The following TCF4 variants were observed in gnomAD, a reference collection of about 807,000 sequenced individuals.
TCF4 encodes transcription factor 4.
In TCF4, 3 loss-of-function variants were observed where a neutral mutation model predicts 82.1. The ratio of observed to expected loss-of-function variants is 0.04; its 90% CI spans 0.02 to 0.09. The LOEUF is 0.09. Among genes scored for constraint, TCF4 ranks in the 10% least tolerant of loss-of-function variants. The pLI, the probability that TCF4 is intolerant of heterozygous loss-of-function variation, is 1.00. For missense variants in TCF4, 518 were observed against 852.7 expected, an observed-to-expected ratio of 0.61 and a Z score of 4.89; for synonymous variants, 276 against 309.6, an observed-to-expected ratio of 0.89 and a Z score of 1.14.
At chr18:55,485,960 A>G (rs891051672) in intron 3 of TCF4, among the ~76,000 whole-genome samples, 2 of 152,196 alleles carry the variant, frequency 1.3e-5, no homozygotes, top group Non-Finnish European at 2.9e-5. Context: ...TATTAATAAT[A>G]CTGAAGTTTT....
chr18:55,492,842 A>G (rs1308083929), intron 3 of TCF4, among the ~76,000 whole-genome samples: 2 of 152,204 alleles, frequency 1.3e-5, no homozygotes, highest in Admixed American at 6.5e-5. Flanking sequence ...GCTAAAGCCC[A>G]AAGTCAGGTG....
chr18:55,329,645 G>A (rs149315760), intron 8 of TCF4, among the ~76,000 whole-genome samples: 64 of 152,320 alleles, frequency 4.2e-4, no homozygotes, highest in African/African-American at 1.4e-3. Flanking sequence ...TGGGTGATGA[G>A]TGAGAAAAAG....
chr18:55,440,597 G>A (rs2095420973), intron 5 of TCF4, among the ~76,000 whole-genome samples: 1 of 152,062 alleles, frequency 6.6e-6, no homozygotes, highest in Non-Finnish European at 1.5e-5. Context: ...CCACTTTTCA[G>A]GCCCCTTCTT....
intron 3 of TCF4, among the ~76,000 whole-genome samples, chr18:55,571,701 G>A (rs1304698347): frequency 6.6e-6 from 1 of 151,682 alleles, no homozygotes; most frequent in Non-Finnish European, 1.5e-5. Context: ...CAAGAAAGAG[G>A]CTATGGCCAG....
At chr18:55,307,438 A>G (rs773279646) in intron 8 of TCF4, among the ~76,000 whole-genome samples, 1 of 152,256 alleles carries the variant, frequency 6.6e-6, no homozygotes, top group Non-Finnish European at 1.5e-5. Context: ...ACTGAAAGCC[A>G]TAAGGGTCAA....
chr18:55,384,473 T>A (rs1569297624), intron 6 of TCF4, among the ~76,000 whole-genome samples: 1 of 152,144 alleles, frequency 6.6e-6, no homozygotes. Flanking sequence ...CTCAGGTCAA[T>A]GCAATATGCC....
At chr18:55,354,273 T>C (rs1345306178) in intron 6 of TCF4, among the ~76,000 whole-genome samples, 1 of 152,218 alleles carries the variant, frequency 6.6e-6, no homozygotes, top group African/African-American at 2.4e-5. Flanking sequence ...CATTCCTAAC[T>C]TGGCCATTCA....
In TCF4 at chr18:55,433,221, G is replaced by C. The variant is rs1372614975; in HGVS notation, c.304+27798C>G. Among the ~76,000 whole-genome samples, 5 of 152,222 alleles carry C rather than the reference G, an allele frequency of 3.3e-5. No homozygotes were observed. The East Asian group carries it at 9.6e-4, about 29-fold the overall frequency. The stretch of plus-strand genomic sequence containing the variant: ...AAGCCCAAAACATACCAGTGACCAA[G>C]AGTGGGTCCTCCATCTGGATTATTT... On this transcript the variant is annotated intron_variant, in intron 5 of 19. Coordinates refer to ENST00000354452, the MANE Select transcript of TCF4 (RefSeq NM_001083962.2).
intron 8 of TCF4, among the ~76,000 whole-genome samples, chr18:55,344,863 A>G (rs1216924720): frequency 6.6e-6 from 1 of 152,100 alleles, no homozygotes; most frequent in Non-Finnish European, 1.5e-5. Context: ...GTAAAGATAA[A>G]GCAGGAATAG....
intron 3 of TCF4, among the ~76,000 whole-genome samples, chr18:55,525,433 G>A (rs1389251793): frequency 6.6e-6 from 1 of 152,088 alleles, no homozygotes; most frequent in East Asian, 1.9e-4. Flanking sequence ...TTGCTTAGTA[G>A]TAGAGAAAAG....
In TCF4 at chr18:55,400,163, C is replaced by T. The variant is rs374550026; in HGVS notation, c.369+3291G>A. ...AACCAAAACAAATGACATTTTTTCCCTTCTGGCATTTGCAATGATGCCCAT... is the reference window on the plus strand; with the variant it reads ...AACCAAAACAAATGACATTTTTTCCTTTCTGGCATTTGCAATGATGCCCAT... On this transcript the variant is annotated intron_variant, in intron 6 of 19. Coordinates refer to ENST00000354452, the MANE Select transcript of TCF4 (RefSeq NM_001083962.2). Among the ~76,000 whole-genome samples, 80 of 152,144 alleles carry T rather than the reference C, an allele frequency of 5.3e-4. 1 individual carries two copies. In the East Asian group the frequency reaches 6.8e-3, roughly 13 times the overall value.
At chr18:55,282,136 C>G (rs1329974951) in intron 8 of TCF4, among the ~76,000 whole-genome samples, 1 of 151,720 alleles carries the variant, frequency 6.6e-6, no homozygotes, top group African/African-American at 2.4e-5. Flanking sequence ...ATCATTCTTA[C>G]CTCAAAAGTT....
At chr18:55,586,666 C>T (rs926537239) in intron 2 of TCF4, among the ~76,000 whole-genome samples, 4 of 152,058 alleles carry the variant, frequency 2.6e-5, no homozygotes, top group African/African-American at 4.8e-5. Flanking sequence ...TTTCCAAAAA[C>T]AATAAATAAA....
At chr18:55,428,739 C>A (rs1250298146) in intron 5 of TCF4, among the ~76,000 whole-genome samples, 3 of 152,122 alleles carry the variant, frequency 2.0e-5, no homozygotes, top group African/African-American at 4.8e-5. Flanking sequence ...CATCACAGAG[C>A]ATGGATTTCA....
intron 5 of TCF4, among the ~76,000 whole-genome samples, chr18:55,409,595 G>T (rs1348885558): frequency 2.6e-5 from 4 of 152,082 alleles, no homozygotes; most frequent in Non-Finnish European, 4.4e-5. Context: ...TACAAGAGCT[G>T]ATGACCTTTC....
intron 3 of TCF4, among the ~76,000 whole-genome samples, chr18:55,494,718 A>C (rs1223255117): frequency 6.6e-6 from 1 of 152,164 alleles, no homozygotes; most frequent in African/African-American, 2.4e-5. Context: ...AACCCAGAGA[A>C]TGCTAGACAA....
At chr18:55,401,955 C>T (rs1231768796) in intron 6 of TCF4, 2 of 925,968 alleles carry the variant, frequency 2.2e-6, no homozygotes, top group African/African-American at 3.6e-5. Flanking sequence ...ACCAGACCCA[C>T]AGGAACACGG....
At chr18:55,545,286 C>T (rs2097196497) in intron 3 of TCF4, among the ~76,000 whole-genome samples, 1 of 152,186 alleles carries the variant, frequency 6.6e-6, no homozygotes, top group Admixed American at 6.5e-5. Flanking sequence ...TTCTCCTCCA[C>T]ATCCGTCTAT....
chr18:55,583,340 T>C (rs919151430), intron 3 of TCF4, among the ~76,000 whole-genome samples: 15 of 151,794 alleles, frequency 9.9e-5, no homozygotes, highest in Non-Finnish European at 2.1e-4. Context: ...TATGTGTGTA[T>C]GTGTATGTGT....
Sources: allele counts gnomAD v4.1 joint callset (sites outside exome capture counted in the v4.1 genomes callset), GRCh38; gene constraint gnomAD v4.1.1; transcripts MANE v1.5; gene names NCBI Gene and HGNC (gene_info 2026-07-23, HGNC 2026-07-21).